THSD4: variants seen among roughly 807,000 people sequenced by gnomAD.
The protein encoded by THSD4 is thrombospondin type-1 domain-containing protein 4.
THSD4 carries 69 observed loss-of-function variants against 119.0 expected under a neutral mutation model. The ratio of observed to expected loss-of-function variants is 0.58; its 90% CI spans 0.48 to 0.71. The LOEUF (loss-of-function observed/expected upper bound fraction) is 0.71, where lower values mean the gene tolerates loss of function less well. Among genes scored for constraint, THSD4 ranks in the 30% least tolerant of loss-of-function variants. The pLI, the probability that THSD4 is intolerant of heterozygous loss-of-function variation, is 0.00. For synonymous variants in THSD4, 524 were observed against 540.4 expected, an observed-to-expected ratio of 0.97 and a Z score of 0.42; for missense variants, 1,393 against 1,391.1, an observed-to-expected ratio of 1.00 and a Z score of -0.02.
chr15:71,195,836 G>T (rs556827941), intron 3 of THSD4, among the ~76,000 whole-genome samples: 5 of 152,220 alleles, frequency 3.3e-5, no homozygotes, highest in Non-Finnish European at 5.9e-5. Flanking sequence ...CTACATGCAG[G>T]ACACTGTACA....
At position 71,590,443 on chromosome 15, in the gene THSD4, C is replaced by G. The variant is rs1370816578; in HGVS notation, c.1153-70087C>G. ...TGGAGCTGGAAGCCATTATCCTCAGCAAACTAACGCAGGAACAGAAAACCA... is the reference window on the plus strand; with the variant it reads ...TGGAGCTGGAAGCCATTATCCTCAGGAAACTAACGCAGGAACAGAAAACCA... On this transcript the variant is annotated intron_variant, in intron 7 of 17. Transcript: ENST00000261862. Among the ~76,000 whole-genome samples the G allele has an allele frequency of 6.7e-5, 9 of 135,024 alleles. 2 individuals carry two copies. The highest frequency in any genetic ancestry group is 1.5e-4 in the Non-Finnish European group (9 of 59,772). 88.6% of individuals were successfully genotyped at this position (135,024 alleles called of 152,430 possible).
chr15:71,396,867 CATG>C (rs1407594294), intron 6 of THSD4, among the ~76,000 whole-genome samples: 4 of 152,154 alleles, frequency 2.6e-5, no homozygotes, highest in African/African-American at 9.7e-5. Context: ...TTTAATGTGA[CATG>C]AGAGAAATAG....
chr15:71,621,861 T>G (rs1346008173), intron 7 of THSD4, among the ~76,000 whole-genome samples: 1 of 152,232 alleles, frequency 6.6e-6, no homozygotes, highest in Admixed American at 6.5e-5. Flanking sequence ...GATTTGTTGT[T>G]GTTGAGTTTA....
intron 7 of THSD4, among the ~76,000 whole-genome samples, chr15:71,635,428 TG>T (rs1188813472): frequency 6.6e-6 from 1 of 152,092 alleles, no homozygotes; most frequent in East Asian, 1.9e-4. Flanking sequence ...AAAAGCTATC[TG>T]GGGAAAGTAA....
chr15:71,106,890 G>A (rs150646286), intron 1 of THSD4, among the ~76,000 whole-genome samples: 291 of 152,024 alleles, frequency 1.9e-3, no homozygotes, highest in African/African-American at 6.6e-3. Context: ...AATTTAAAAA[G>A]AGAAGTCACA....
intron 7 of THSD4, among the ~76,000 whole-genome samples, chr15:71,636,461 C>T (rs180905781): frequency 6.6e-6 from 1 of 152,142 alleles, no homozygotes; most frequent in Non-Finnish European, 1.5e-5. Context: ...ATAGCTGCCT[C>T]ATGGGCTACT....
chr15:71,169,637 T>C (rs1453365909), intron 3 of THSD4, among the ~76,000 whole-genome samples: 3 of 152,208 alleles, frequency 2.0e-5, no homozygotes, highest in African/African-American at 7.2e-5. Context: ...GCACCAGGGA[T>C]TGGATTTACC....
chr15:71,620,836 G>T (rs142083738), intron 7 of THSD4, among the ~76,000 whole-genome samples: 1 of 152,212 alleles, frequency 6.6e-6, no homozygotes, highest in East Asian at 1.9e-4. Context: ...ACTCTCAGGT[G>T]GGGTAGAGGG....
rs1052310113 is a variant in THSD4 at position 71,215,208 on chromosome 15, G to A, written c.273G>A (p.Gln91=). The A allele has an allele frequency of 3.7e-6, 5 of 1,361,884 alleles. No homozygotes were observed. The African/African-American group carries it at 6.1e-5, about 17-fold the overall frequency. The allele number at this position is 1,361,884 out of a possible 1,614,324, so 84.4% of individuals were successfully genotyped here. The change falls in exon 4 of 18, where the codon CAG becomes CAA. Residue 91 remains glutamine (Q), a synonymous_variant. Coordinates refer to ENST00000261862, the MANE Select transcript of THSD4 (RefSeq NM_024817.3). ...GCTCCTACCGCCTGCGCGGCGGCCA[G>A]CGGCCTGGCGCCCCTGCGCGCGCCT... is the stretch of plus-strand genomic sequence containing the variant. The part of the protein sequence containing the change: ...LPRSYRLRGG[Q]RPGAPARAFA...
At chr15:71,292,172 A>G (rs2044800810) in intron 6 of THSD4, among the ~76,000 whole-genome samples, 2 of 152,158 alleles carry the variant, frequency 1.3e-5, no homozygotes, top group Admixed American at 1.3e-4. Flanking sequence ...GGTAAGACCA[A>G]TGCCATCCTG....
At chr15:71,664,758 G>GT (rs2051382495) in intron 8 of THSD4, among the ~76,000 whole-genome samples, 1 of 152,074 alleles carries the variant, frequency 6.6e-6, no homozygotes, top group African/African-American at 2.4e-5. Flanking sequence ...TTGGTTTTCT[G>GT]TTCCTGCGTG....
Position 71,243,112 on chromosome 15 carries a change from C to G in THSD4, c.912+16C>G, listed in dbSNP as rs753567334. ...CAACACCAACGTGAGTACACACAAC[C>G]CATACCGGGCCTGGAAACAGCTGCC... On this transcript the variant is annotated intron_variant, in intron 5 of 17. Coordinates refer to ENST00000261862, the MANE Select transcript of THSD4 (RefSeq NM_024817.3). 43 of 1,588,526 alleles carry G rather than the reference C, an allele frequency of 2.7e-5. No individual in the cohort carries two copies. The highest frequency in any genetic ancestry group is 3.7e-5 in the Non-Finnish European group (43 of 1,167,382).
At chr15:71,527,708 C>CTTTTTTTTTTT (rs10635101) in intron 7 of THSD4, among the ~76,000 whole-genome samples, 20 of 79,744 alleles carry the variant, frequency 2.5e-4, no homozygotes, top group Non-Finnish European at 2.7e-4. Context: ...TGTTTATCCT[C>CTTTTTTTTTTT]TTTTTTTTTT....
intron 3 of THSD4, among the ~76,000 whole-genome samples, chr15:71,182,493 C>T (rs2043542041): frequency 6.6e-6 from 1 of 151,624 alleles, no homozygotes; most frequent in South Asian, 2.1e-4. Context: ...ATTTTATGTA[C>T]TTTAATTTTT....
At chr15:71,545,130 T>C (rs1331635986) in intron 7 of THSD4, among the ~76,000 whole-genome samples, 1 of 152,208 alleles carries the variant, frequency 6.6e-6, no homozygotes, top group Non-Finnish European at 1.5e-5. Flanking sequence ...CGCCACTCAA[T>C]TGTATACTTA....
intron 8 of THSD4, among the ~76,000 whole-genome samples, chr15:71,665,201 A>T (rs370999747): frequency 7.2e-5 from 11 of 152,152 alleles, no homozygotes; most frequent in African/African-American, 2.7e-4. Context: ...CTGGTGTAAG[A>T]TGGTATCTCA....
At chr15:71,206,984 T>G (rs2043849125) in intron 3 of THSD4, among the ~76,000 whole-genome samples, 1 of 152,226 alleles carries the variant, frequency 6.6e-6, no homozygotes, top group South Asian at 2.1e-4. Flanking sequence ...CTACAGAATC[T>G]TTACATTATT....
intron 6 of THSD4, among the ~76,000 whole-genome samples, chr15:71,307,243 T>C (rs1266682281): frequency 1.3e-5 from 2 of 152,284 alleles, no homozygotes; most frequent in East Asian, 1.9e-4. Flanking sequence ...TCCTCCATGA[T>C]GGGAAGTTAG....
In THSD4 at chr15:71,115,812, G is replaced by C. The variant is rs1596205343; in HGVS notation, c.-80+114G>C. 3 of 151,056 alleles carry C rather than the reference G, an allele frequency of 2.0e-5. 1 individual carries two copies. The highest frequency in any genetic ancestry group is 7.2e-5 in the African/African-American group (3 of 41,440). The allele number at this position is 151,056 out of a possible 1,614,324, so 9.4% of individuals were successfully genotyped here. A position where few individuals can be genotyped will look rare whatever the true frequency, so the allele number is the denominator to read the frequency against. On this transcript the variant is annotated intron_variant, in intron 1 of 17. Coordinates refer to ENST00000261862, the MANE Select transcript of THSD4 (RefSeq NM_024817.3). The surrounding 1 kb of genome is among the most constrained non-coding windows in gnomAD (Gnocchi z 4.4). ...TCTGGCCGGCGGGGCGGGCTGGCGC[G>C]GGCTACCCAGTGGGTGTGTCCGGGG... is the stretch of plus-strand genomic sequence containing the variant.
Sources: gnomAD v4.1 joint callset for allele counts (sites outside exome capture counted in the v4.1 genomes callset) on GRCh38, gnomAD v4.1.1 for gene constraint, Gnocchi (gnomAD v3.1) non-coding constraint, MANE v1.5 for transcripts, NCBI Gene and HGNC (gene_info 2026-07-23, HGNC 2026-07-21) for gene names.